STXBP5L: variants seen among roughly 807,000 people sequenced by gnomAD.
STXBP5L encodes the protein syntaxin-binding protein 5-like.
In STXBP5L, 65 loss-of-function variants were observed where a neutral mutation model predicts 144.5. The ratio of observed to expected loss-of-function variants is 0.45; its 90% CI spans 0.37 to 0.55. The LOEUF is 0.55. STXBP5L is among the 20% of genes least tolerant of loss of function. The probability of loss-of-function intolerance (pLI) is 0.00; values close to 1 mark genes in which losing one functional copy is unlikely to be tolerated. For missense variants in STXBP5L, 1,298 were observed against 1,405.5 expected (o/e 0.92, Z 1.22); for synonymous variants, 505 against 469.6 (o/e 1.08, Z -0.97).
At position 121,211,084 on chromosome 3, in the gene STXBP5L, G is replaced by C. The variant is rs139767063; in HGVS notation, c.956+5083G>C. Among the ~76,000 whole-genome samples the C allele has an allele frequency of 2.1e-3, 319 of 152,234 alleles. 2 individuals are homozygous for C. Among genetic ancestry groups the C allele is most frequent in the African/African-American group, 7.2e-3 (300 of 41,544 alleles). On this transcript the variant is annotated intron_variant, in intron 10 of 26. Transcript: ENST00000471454. The stretch of plus-strand genomic sequence containing the variant: ...ATGTGCATGGAATGTTCTTCCATTT[G>C]TTTGTGTCCTCTTTTATTTTGTTGA...
intron 3 of STXBP5L, among the ~76,000 whole-genome samples, chr3:120,977,577 T>C (rs2686650): frequency 0.017 from 2,512 of 152,116 alleles, 64 homozygotes; most frequent in African/African-American, 0.057. Context: ...GTGAATTTGA[T>C]CCTGTCATTA....
chr3:121,204,286 CT>C, intron 9 of STXBP5L, among the ~76,000 whole-genome samples: 1 of 152,204 alleles, frequency 6.6e-6, no homozygotes, highest in East Asian at 1.9e-4. Context: ...AAAGTTTTCT[CT>C]TTCTAAGACA....
chr3:121,202,317 C>T (rs908821214), intron 9 of STXBP5L, among the ~76,000 whole-genome samples: 1 of 152,068 alleles, frequency 6.6e-6, no homozygotes, highest in Non-Finnish European at 1.5e-5. Flanking sequence ...TGTTCCAATA[C>T]AGCTTTGCTC....
At chr3:120,949,556 ATTTAAGAC>A (rs1422340928) in intron 2 of STXBP5L, among the ~76,000 whole-genome samples, 1 of 151,906 alleles carries the variant, frequency 6.6e-6, no homozygotes, top group East Asian at 1.9e-4. Context: ...CAGGTTTTAG[ATTTAAGAC>A]TTTGATCCAC....
At chr3:121,305,595 T>C (rs936319557) in intron 19 of STXBP5L, among the ~76,000 whole-genome samples, 1 of 152,158 alleles carries the variant, frequency 6.6e-6, no homozygotes, top group Non-Finnish European at 1.5e-5. Context: ...TTGATAAAAT[T>C]AGATATTTTA....
At chr3:121,365,296 G>T (rs1196532296) in intron 20 of STXBP5L, among the ~76,000 whole-genome samples, 1 of 151,598 alleles carries the variant, frequency 6.6e-6, no homozygotes, top group Non-Finnish European at 1.5e-5. Context: ...TAGAAGTATT[G>T]GTCCTCTTCA....
chr3:121,012,297 C>T (rs1270133180), intron 3 of STXBP5L, among the ~76,000 whole-genome samples: 1 of 151,832 alleles, frequency 6.6e-6, no homozygotes, highest in East Asian at 1.9e-4. Flanking sequence ...CTTTTGTGTG[C>T]ATATGTTTTC....
At chr3:121,226,722 G>A (rs532002460) in intron 11 of STXBP5L, among the ~76,000 whole-genome samples, 1 of 152,092 alleles carries the variant, frequency 6.6e-6, no homozygotes, top group East Asian at 1.9e-4. Flanking sequence ...GGACTTTAGG[G>A]CAATGCACAA....
intron 9 of STXBP5L, among the ~76,000 whole-genome samples, chr3:121,203,286 A>G (rs1233935284): frequency 6.6e-6 from 1 of 152,144 alleles, no homozygotes; most frequent in Non-Finnish European, 1.5e-5. Context: ...TTTGTACCTC[A>G]TTAACATTAT....
chr3:121,413,036 A>G, intron 23 of STXBP5L, 122 bp from the exon 24 acceptor site: 1 of 863,584 alleles, frequency 1.2e-6, no homozygotes, highest in Non-Finnish European at 1.6e-6. Context: ...TCAAAAAAAT[A>G]TAAAAATAAA....
intron 20 of STXBP5L, 39 bp from the exon 21 acceptor site, chr3:121,378,677 A>C: frequency 6.3e-7 from 1 of 1,596,216 alleles, no homozygotes; most frequent in Non-Finnish European, 8.5e-7. Flanking sequence ...ATTAAGAGTT[A>C]ATCATTATAT....
At chr3:121,302,994 C>A (rs2051983889) in intron 19 of STXBP5L, among the ~76,000 whole-genome samples, 2 of 152,114 alleles carry the variant, frequency 1.3e-5, no homozygotes, top group Admixed American at 6.6e-5. Context: ...GTGTAAAACA[C>A]CAAAAGCAAT....
At chr3:121,010,568 G>A (rs1944696785) in intron 3 of STXBP5L, among the ~76,000 whole-genome samples, 1 of 151,532 alleles carries the variant, frequency 6.6e-6, no homozygotes, top group African/African-American at 2.4e-5. Context: ...AACAACACGG[G>A]GGTTAGGGGA....
At chr3:121,005,683 G>A (rs1213794788) in intron 3 of STXBP5L, among the ~76,000 whole-genome samples, 1 of 152,054 alleles carries the variant, frequency 6.6e-6, no homozygotes, top group African/African-American at 2.4e-5. Context: ...TCTCTTGTGG[G>A]CGTTTAGTGC....
intron 2 of STXBP5L, among the ~76,000 whole-genome samples, chr3:120,928,412 A>T (rs1709750446): frequency 6.6e-6 from 1 of 151,984 alleles, no homozygotes. Flanking sequence ...ACAGGCGTGT[A>T]CCACCACGCC....
chr3:121,006,739 A>G (rs148522585), intron 3 of STXBP5L, among the ~76,000 whole-genome samples: 2,929 of 152,242 alleles, frequency 0.019, 101 homozygotes, highest in African/African-American at 0.067. Context: ...CTTTTAGGGC[A>G]GGCCTGGTGG....
intron 5 of STXBP5L, among the ~76,000 whole-genome samples, chr3:121,068,160 C>T (rs1430029570): frequency 1.3e-5 from 2 of 152,030 alleles, no homozygotes; most frequent in Non-Finnish European, 2.9e-5. Context: ...CAGGCACACA[C>T]CACCATGCCC....
chr3:121,213,450 C>T (rs574098301), intron 10 of STXBP5L, among the ~76,000 whole-genome samples: 67 of 152,268 alleles, frequency 4.4e-4, no homozygotes, highest in African/African-American at 1.5e-3. Flanking sequence ...GCCTTTTCTA[C>T]ATCTATTGAG....
chr3:121,343,754 T>A (rs1006820428), intron 20 of STXBP5L, among the ~76,000 whole-genome samples: 2 of 151,870 alleles, frequency 1.3e-5, no homozygotes, highest in Admixed American at 1.3e-4. Flanking sequence ...AAAGAGGACA[T>A]AAACAAATGG....
Sources: gnomAD v4.1 joint callset for allele counts (sites outside exome capture counted in the v4.1 genomes callset) on GRCh38, gnomAD v4.1.1 for gene constraint, MANE v1.5 for transcripts, NCBI Gene and HGNC (gene_info 2026-07-23, HGNC 2026-07-21) for gene names.